Variants in WASF2 observed in about 807,000 individuals in gnomAD.
The protein encoded by WASF2 is actin-binding protein WASF2.
In WASF2, 14 loss-of-function variants were observed where a neutral mutation model predicts 45.0. The ratio of observed to expected loss-of-function variants is 0.31; its 90% CI spans 0.21 to 0.49. WASF2 has a LOEUF of 0.49. WASF2 is among the 20% of genes least tolerant of loss of function. The probability of loss-of-function intolerance (pLI) is 0.99; values close to 1 mark genes in which losing one functional copy is unlikely to be tolerated. For missense variants in WASF2, 439 were observed against 636.1 expected, an observed-to-expected ratio of 0.69 and a Z score of 3.33; for synonymous variants, 200 against 236.3, an observed-to-expected ratio of 0.85 and a Z score of 1.41.
At chr1:27,472,300 G>T (rs2017699933) in intron 1 of WASF2, among the ~76,000 whole-genome samples, 1 of 149,096 alleles carries the variant, frequency 6.7e-6, no homozygotes. Context: ...ACTCCAGCCT[G>T]TGTGCCAGAG....
chr1:27,414,775 G>T lies in WASF2; in HGVS notation c.668+58C>A. ...GAAAGGTGTCACACCAGAGCTGTCA[G>T]ACTGTTGTCCCCAGCCCCTTCAAAG... is the stretch of plus-strand genomic sequence containing the variant. On this transcript the variant is annotated intron_variant, in intron 6 of 8. Transcript: ENST00000618852. The surrounding 1 kb of genome is among the most constrained non-coding windows in gnomAD (Gnocchi z 4.1). The T allele has an allele frequency of 1.3e-6, 2 of 1,593,386 alleles. No homozygotes were observed. The highest frequency in any genetic ancestry group is 1.1e-5 in the South Asian group (1 of 88,592).
rs1415162141 is a variant in WASF2 at position 27,404,534 on chromosome 1, G to A, written c.*3655C>T. The stretch of plus-strand genomic sequence containing the variant: ...TCCCATCCTCAGGGGAAGAGTGCCT[G>A]TTTTCAAACGGCATCCCTACTACAC... On this transcript the variant is annotated 3_prime_UTR_variant, in exon 9 of 9. Coordinates refer to ENST00000618852, the MANE Select transcript of WASF2 (RefSeq NM_006990.5). The A allele has an allele frequency of 6.6e-6, 1 of 152,156 alleles. No homozygotes were observed. Among genetic ancestry groups the A allele is most frequent in the Non-Finnish European group, 1.5e-5 (1 of 68,028 alleles). 9.4% of individuals were successfully genotyped at this position (152,156 alleles called of 1,614,324 possible).
At chr1:27,454,041 CTAAA>C (rs2017422400) in intron 1 of WASF2, among the ~76,000 whole-genome samples, 1 of 150,516 alleles carries the variant, frequency 6.6e-6, no homozygotes, top group African/African-American at 2.4e-5. Flanking sequence ...ATTTCTATCT[CTAAA>C]TGTTATATTG....
intron 1 of WASF2, among the ~76,000 whole-genome samples, chr1:27,474,208 A>G (rs1281020797): frequency 6.6e-6 from 1 of 152,218 alleles, no homozygotes; most frequent in African/African-American, 2.4e-5. Context: ...AGATAGATAC[A>G]TAGGAGTTCA....
At chr1:27,422,469 A>G (rs1445004937) in intron 2 of WASF2, among the ~76,000 whole-genome samples, 1 of 151,884 alleles carries the variant, frequency 6.6e-6, no homozygotes, top group East Asian at 1.9e-4. Flanking sequence ...AATACAAAAA[A>G]TTAGCCAGGC....
Position 27,428,819 on chromosome 1 carries a change from C to T in WASF2, c.72G>A (p.Glu24=). ...GGGTGATGTTGGTCACGCATTCCAG[C>T]TCGCTTCTAACGCTAGGCAACGTCT... The part of the protein sequence containing the change: ...CRQTLPSVRS[E]LECVTNITLA... The change falls in exon 2 of 9, where the codon GAG becomes GAA. Residue 24 remains glutamate, a synonymous_variant. Transcript: ENST00000618852. 1 of 1,614,186 alleles carries T rather than the reference C, an allele frequency of 6.2e-7. No individual in the cohort carries two copies. Among genetic ancestry groups the T allele is most frequent in the Non-Finnish European group, 8.5e-7 (1 of 1,180,044 alleles).
intron 1 of WASF2, among the ~76,000 whole-genome samples, chr1:27,443,534 A>G (rs186317774): frequency 8.0e-5 from 12 of 150,530 alleles, no homozygotes; most frequent in African/African-American, 2.4e-4. Context: ...AATCGCTTGA[A>G]CCCAGGAGGC....
chr1:27,455,253 T>C (rs891021089), intron 1 of WASF2, among the ~76,000 whole-genome samples: 1 of 152,118 alleles, frequency 6.6e-6, no homozygotes, highest in Non-Finnish European at 1.5e-5. Flanking sequence ...GAGTTACTTT[T>C]TGTTTTTCCA....
At chr1:27,429,228 A>G (rs1004783050) in intron 1 of WASF2, among the ~76,000 whole-genome samples, 19 of 152,168 alleles carry the variant, frequency 1.2e-4, no homozygotes, top group African/African-American at 4.6e-4. Flanking sequence ...CTACTGCTCC[A>G]ACCAACAAGA....
At chr1:27,476,014 T>C (rs895869327) in intron 1 of WASF2, among the ~76,000 whole-genome samples, 23 of 152,344 alleles carry the variant, frequency 1.5e-4, no homozygotes, top group Middle Eastern at 6.8e-3. Flanking sequence ...CTTCTCAAGA[T>C]CACTGAGTTG....
In WASF2 at chr1:27,418,348, T is replaced by G. The variant is rs530130454; in HGVS notation, c.340A>C (p.Asn114His). Residue 114 changes from asparagine to histidine, a missense_variant, in exon 4 of 9, where the codon AAC (asparagine) becomes CAC (histidine). Transcript: ENST00000618852. ...TCTAAGACAGGCACTGGGAGAGAGT[T>G]TCTGTCAAAAAGCTTCTGGTCTTGA... The part of the protein sequence containing the change: ...TIQDQKLFDR[N>H]SLPVPVLETY... 1 of 1,614,144 alleles carries G rather than the reference T, an allele frequency of 6.2e-7. No individual in the cohort carries two copies. Among genetic ancestry groups the G allele is most frequent in the Non-Finnish European group, 8.5e-7 (1 of 1,180,026 alleles).
chr1:27,439,825 C>T (rs1429425791), intron 1 of WASF2, among the ~76,000 whole-genome samples: 1 of 151,696 alleles, frequency 6.6e-6, no homozygotes, highest in Non-Finnish European at 1.5e-5. Flanking sequence ...ATGGTGAGAC[C>T]TTGTCTCTAC....
chr1:27,470,813 A>G (rs2017677738), intron 1 of WASF2, among the ~76,000 whole-genome samples: 1 of 152,190 alleles, frequency 6.6e-6, no homozygotes. Flanking sequence ...ACTCATCATT[A>G]AAACCTACAT....
chr1:27,449,280 T>C (rs1374394250), intron 1 of WASF2, among the ~76,000 whole-genome samples: 1 of 152,242 alleles, frequency 6.6e-6, no homozygotes, highest in Non-Finnish European at 1.5e-5. Context: ...ACCACCACGC[T>C]AGGTACCAAG....
chr1:27,471,042 A>T (rs1370511403), intron 1 of WASF2, among the ~76,000 whole-genome samples: 1 of 152,146 alleles, frequency 6.6e-6, no homozygotes, highest in Non-Finnish European at 1.5e-5. Flanking sequence ...GTTGTAACAG[A>T]AGACATAAGA....
chr1:27,412,490 C>T lies in WASF2; in HGVS notation c.824+82G>A, dbSNP rs540439162. On this transcript the variant is annotated intron_variant, in intron 7 of 8. Transcript: ENST00000618852. ...CCTCCCAAAGAGCTGGGATTACAGG[C>T]GTGAGCCACTGCTCCTGGTCCATTC... 98 of 1,570,674 alleles carry T rather than the reference C, an allele frequency of 6.2e-5. 1 individual carries two copies. In the South Asian group the frequency reaches 7.9e-4, roughly 13 times the overall value.
Position 27,464,757 on chromosome 1 carries a change from C to T in WASF2, c.-44+25229G>A, listed in dbSNP as rs536457442. Among the ~76,000 whole-genome samples the T allele has an allele frequency of 2.0e-5, 3 of 152,332 alleles. No individual in the cohort carries two copies. The East Asian group carries it at 5.8e-4, about 29-fold the overall frequency. The stretch of plus-strand genomic sequence containing the variant: ...TTGTTTATTCATTTTGAGACAGAGT[C>T]TCGCTCTGTCGCCCAGACTGGAGTG... On this transcript the variant is annotated intron_variant, in intron 1 of 8. Coordinates refer to ENST00000618852, the MANE Select transcript of WASF2 (RefSeq NM_006990.5).
intron 1 of WASF2, among the ~76,000 whole-genome samples, chr1:27,477,756 G>A (rs1037695882): frequency 7.0e-5 from 9 of 129,474 alleles, no homozygotes; most frequent in Admixed American, 2.9e-4. Flanking sequence ...AAAATTAGCC[G>A]GGCGTAGTGG....
At chr1:27,479,323 C>T (rs1346110948) in intron 1 of WASF2, among the ~76,000 whole-genome samples, 2 of 151,796 alleles carry the variant, frequency 1.3e-5, no homozygotes, top group African/African-American at 4.8e-5. Context: ...TGGTGGCTTA[C>T]ACCTGTAATC....
Sources: allele counts gnomAD v4.1 joint callset (sites outside exome capture counted in the v4.1 genomes callset), GRCh38; gene constraint gnomAD v4.1.1; non-coding constraint Gnocchi (gnomAD v3.1); transcripts MANE v1.5; gene names NCBI Gene and HGNC (gene_info 2026-07-23, HGNC 2026-07-21).